The following CACNA1E variants were observed in gnomAD, a reference collection of about 807,000 sequenced individuals.
The protein encoded by CACNA1E is voltage-dependent R-type calcium channel subunit alpha-1E.
Under a neutral mutation model 259.2 loss-of-function variants are expected in CACNA1E, and 40 were observed. The observed-to-expected ratio is 0.15, with a 90% confidence interval of 0.12 to 0.20. The LOEUF is 0.20. CACNA1E is among the 10% of genes least tolerant of loss of function. The probability of loss-of-function intolerance (pLI) is 1.00; values close to 1 mark genes in which losing one functional copy is unlikely to be tolerated. For synonymous variants in CACNA1E, 1,104 were observed against 1,138.5 expected (o/e 0.97, Z 0.61); for missense variants, 1,874 against 3,040.1 (o/e 0.62, Z 9.02).
chr1:181,482,301 G>C (rs1043473697), upstream of CACNA1E, among the ~76,000 whole-genome samples: 3 of 152,250 alleles, frequency 2.0e-5, no homozygotes, highest in South Asian at 6.2e-4. Context: ...ACCGAACAGG[G>C]CACAGCACTG....
At chr1:181,608,213 G>A (rs1654412212) in intron 6 of CACNA1E, among the ~76,000 whole-genome samples, 1 of 152,070 alleles carries the variant, frequency 6.6e-6, no homozygotes, top group African/African-American at 2.4e-5. Context: ...GTAGGTGAGG[G>A]AGGGGCAGGT....
At chr1:181,329,883 C>T (rs1219485527) in intron 1 of CACNA1E, among the ~76,000 whole-genome samples, 1 of 152,170 alleles carries the variant, frequency 6.6e-6, no homozygotes, top group African/African-American at 2.4e-5. Context: ...TGTCTCAGAG[C>T]CCAGCACAGT....
intron 3 of CACNA1E, among the ~76,000 whole-genome samples, chr1:181,568,649 G>C (rs957137743): frequency 1.3e-5 from 2 of 152,142 alleles, no homozygotes; most frequent in Non-Finnish European, 2.9e-5. Context: ...AGACTGGAGT[G>C]CAGTGGCATG....
At chr1:181,707,033 A>C (rs1217076601) in intron 7 of CACNA1E, among the ~76,000 whole-genome samples, 1 of 152,200 alleles carries the variant, frequency 6.6e-6, no homozygotes, top group African/African-American at 2.4e-5. Context: ...GACCTCATGA[A>C]GGCTTTACTT....
intron 6 of CACNA1E, among the ~76,000 whole-genome samples, chr1:181,644,210 TA>T (rs147879233): frequency 0.035 from 5,347 of 152,282 alleles, 155 homozygotes; most frequent in African/African-American, 0.074. Flanking sequence ...GGATTGCTTT[TA>T]AGAGTTCTGG....
In CACNA1E at chr1:181,798,908, G is replaced by A. The variant is rs533999237; in HGVS notation, c.*74G>A. ...CAAGACAGAATTGGGAAGCCAGTGC[G>A]GCCCGGGGGGGAGGAAGAGGGAAAA... On this transcript the variant is annotated 3_prime_UTR_variant, in exon 48 of 48. Coordinates refer to ENST00000367573, the MANE Select transcript of CACNA1E (RefSeq NM_001205293.3). The surrounding 1 kb of genome is among the most constrained non-coding windows in gnomAD (Gnocchi z 4.2). The A allele has an allele frequency of 3.7e-5, 49 of 1,334,548 alleles. No homozygotes were observed. The South Asian group carries it at 7.4e-4, about 20-fold the overall frequency. The allele number at this position is 1,334,548 out of a possible 1,614,324, so 82.7% of individuals were successfully genotyped here. A position where few individuals can be genotyped will look rare whatever the true frequency, so the allele number is the denominator to read the frequency against.
intron 3 of CACNA1E, among the ~76,000 whole-genome samples, chr1:181,574,916 T>C (rs1650803377): frequency 6.6e-6 from 1 of 151,820 alleles, no homozygotes; most frequent in Non-Finnish European, 1.5e-5. Flanking sequence ...TCCCAGCTAC[T>C]CGGGAGGCTG....
At chr1:181,589,141 G>A (rs1194727574) in intron 6 of CACNA1E, among the ~76,000 whole-genome samples, 1 of 152,182 alleles carries the variant, frequency 6.6e-6, no homozygotes, top group Admixed American at 6.5e-5. Context: ...CATCTCTAGA[G>A]GTAGGAGGAA....
intron 6 of CACNA1E, among the ~76,000 whole-genome samples, chr1:181,613,853 G>A (rs774903609): frequency 5.3e-5 from 8 of 152,150 alleles, no homozygotes; most frequent in Non-Finnish European, 7.3e-5. Context: ...CCTCGATGAT[G>A]TTTTTTCACT....
At chr1:181,519,648 A>G (rs1178816949) in intron 3 of CACNA1E, among the ~76,000 whole-genome samples, 2 of 152,022 alleles carry the variant, frequency 1.3e-5, no homozygotes, top group Non-Finnish European at 2.9e-5. Flanking sequence ...GGTCTTTTAG[A>G]TGGGGTGTGG....
chr1:181,531,779 G>T (rs940997352), intron 3 of CACNA1E, among the ~76,000 whole-genome samples: 5 of 152,210 alleles, frequency 3.3e-5, no homozygotes, highest in Non-Finnish European at 7.3e-5. Context: ...AAATTGCCAG[G>T]CATGGTGGCT....
chr1:181,786,195 A>G (rs1327764138), intron 43 of CACNA1E, among the ~76,000 whole-genome samples: 1 of 152,206 alleles, frequency 6.6e-6, no homozygotes, highest in Non-Finnish European at 1.5e-5. Context: ...CCTCCCTCAC[A>G]GGTGCCATGC....
At chr1:181,355,701 T>A (rs77843807) in intron 1 of CACNA1E, among the ~76,000 whole-genome samples, 7,739 of 152,162 alleles carry the variant, frequency 0.051, 329 homozygotes, top group African/African-American at 0.11. Context: ...TTGATAATTT[T>A]AAAAAAATAT....
chr1:181,530,465 A>C (rs1667699158), intron 3 of CACNA1E, among the ~76,000 whole-genome samples: 1 of 152,212 alleles, frequency 6.6e-6, no homozygotes, highest in African/African-American at 2.4e-5. Flanking sequence ...TGTGAAACTC[A>C]GTTGATTCCA....
chr1:181,772,132 T>C lies in CACNA1E; in HGVS notation c.5040T>C (p.Pro1680=). Residue 1680 remains proline (P), a synonymous_variant, in exon 37 of 48, where the codon CCT becomes CCC. Coordinates refer to ENST00000367573, the MANE Select transcript of CACNA1E (RefSeq NM_001205293.3). ...LSCLGEKGCE[P]DTTAPSGQNE... ...GCCTTGGGGAGAAGGGCTGTGAGCC[T>C]GACACCACCGCACCATCAGGGCAGA... 2 of 1,613,944 alleles carry C rather than the reference T, an allele frequency of 1.2e-6. No individual in the cohort carries two copies. Among genetic ancestry groups the C allele is most frequent in the South Asian group, 2.2e-5 (2 of 91,070 alleles).
intron 1 of CACNA1E, among the ~76,000 whole-genome samples, chr1:181,352,031 G>A (rs1293529451): frequency 6.6e-6 from 1 of 152,208 alleles, no homozygotes; most frequent in African/African-American, 2.4e-5. Flanking sequence ...AGTAGATAGT[G>A]CTGGACATTC....
chr1:181,404,886 C>T (rs778948544), intron 1 of CACNA1E, among the ~76,000 whole-genome samples: 36 of 152,212 alleles, frequency 2.4e-4, no homozygotes, highest in Non-Finnish European at 4.9e-4. Context: ...GTGAGGCACT[C>T]GAGGGCTGTG....
At chr1:181,794,438 G>A (rs971527369) in intron 45 of CACNA1E, among the ~76,000 whole-genome samples, 5 of 149,580 alleles carry the variant, frequency 3.3e-5, no homozygotes, top group Non-Finnish European at 5.9e-5. Context: ...TCTGGCAAGG[G>A]CGTTTAAAAA....
intron 6 of CACNA1E, among the ~76,000 whole-genome samples, chr1:181,645,441 C>T (rs991845686): frequency 6.6e-6 from 1 of 152,074 alleles, no homozygotes; most frequent in Admixed American, 6.5e-5. Context: ...CTTTTTTCTT[C>T]TTATAGGTCC....
Sources: allele counts gnomAD v4.1 joint callset (sites outside exome capture counted in the v4.1 genomes callset), GRCh38; gene constraint gnomAD v4.1.1; non-coding constraint Gnocchi (gnomAD v3.1); transcripts MANE v1.5; gene names NCBI Gene and HGNC (gene_info 2026-07-23, HGNC 2026-07-21).